The following KCNH8 variants were observed in gnomAD, a reference collection of about 807,000 sequenced individuals.
KCNH8 encodes potassium voltage-gated channel subfamily H member 8.
A neutral mutation model predicts 103.6 loss-of-function variants in KCNH8; 70 were observed. The observed-to-expected ratio is 0.68, with a 90% CI of 0.56 to 0.82. The LOEUF (loss-of-function observed/expected upper bound fraction) is 0.82. Among genes scored for constraint, KCNH8 ranks in the 40% least tolerant of loss-of-function variants. The probability of loss-of-function intolerance (pLI) is 0.00; values close to 1 mark genes in which losing one functional copy is unlikely to be tolerated. For missense variants in KCNH8, 1,217 were observed against 1,329.9 expected, an observed-to-expected ratio of 0.92 and a Z score of 1.32; for synonymous variants, 498 against 489.4, an observed-to-expected ratio of 1.02 and a Z score of -0.23.
chr3:19,258,584 G>A (rs2064376405), intron 2 of KCNH8, among the ~76,000 whole-genome samples: 1 of 151,928 alleles, frequency 6.6e-6, no homozygotes, highest in African/African-American at 2.4e-5. Flanking sequence ...AACTTAACAT[G>A]CAGAGTGCTT....
chr3:19,188,307 TA>T (rs1198243870), intron 1 of KCNH8, among the ~76,000 whole-genome samples: 4 of 152,106 alleles, frequency 2.6e-5, no homozygotes, highest in African/African-American at 7.2e-5. Context: ...AGAGCAGAGA[TA>T]TTGGCAATCT....
At chr3:19,292,004 C>T (rs1260952575) in intron 3 of KCNH8, among the ~76,000 whole-genome samples, 1 of 152,182 alleles carries the variant, frequency 6.6e-6, no homozygotes, top group African/African-American at 2.4e-5. Context: ...AGTTCCTTTC[C>T]TCTGCACTCA....
intron 5 of KCNH8, among the ~76,000 whole-genome samples, chr3:19,354,513 G>A (rs1034968420): frequency 2.6e-5 from 4 of 152,088 alleles, no homozygotes; most frequent in African/African-American, 4.8e-5. Flanking sequence ...AAACAGCATG[G>A]TACTGGTACC....
chr3:19,463,679 A>C (rs1215839460), intron 11 of KCNH8, among the ~76,000 whole-genome samples: 3 of 152,102 alleles, frequency 2.0e-5, no homozygotes, highest in African/African-American at 4.8e-5. Context: ...TTTGCAGAAA[A>C]ATATGTCACT....
intron 1 of KCNH8, among the ~76,000 whole-genome samples, chr3:19,236,833 T>G (rs537308172): frequency 1.3e-5 from 2 of 152,258 alleles, no homozygotes; most frequent in Admixed American, 6.5e-5. Context: ...ACTCTAGGTT[T>G]CAACATCCTA....
intron 11 of KCNH8, among the ~76,000 whole-genome samples, chr3:19,476,908 T>C (rs1665606210): frequency 2.0e-5 from 3 of 152,198 alleles, no homozygotes; most frequent in South Asian, 4.1e-4. Flanking sequence ...CATCCAAAGA[T>C]AACCATTCTT....
intron 5 of KCNH8, among the ~76,000 whole-genome samples, chr3:19,361,924 G>A (rs1338381512): frequency 1.3e-5 from 2 of 152,128 alleles, no homozygotes; most frequent in Admixed American, 1.3e-4. Context: ...GGGAGGGAAA[G>A]TAAGAAGTTG....
In KCNH8 at chr3:19,268,675, G is replaced by C. The variant is rs796669734; in HGVS notation, c.311-12523G>C. 1.1e-4 allele frequency among the ~76,000 whole-genome samples: 16 copies of C among 152,232 alleles called. 1 individual carries two copies. The highest frequency in any genetic ancestry group is 3.8e-4 in the African/African-American group (16 of 41,564). On this transcript the variant is annotated intron_variant, in intron 2 of 15. Transcript: ENST00000328405. Reference sequence around the variant, plus strand: ...GTCATTAAGGCAGGTCCTACTCAGAGTGTGATGTGAAGACCAGCAGCATCA... The same window carrying C: ...GTCATTAAGGCAGGTCCTACTCAGACTGTGATGTGAAGACCAGCAGCATCA...
chr3:19,171,238 T>A (rs1366101422), intron 1 of KCNH8, among the ~76,000 whole-genome samples: 1 of 152,172 alleles, frequency 6.6e-6, no homozygotes, highest in African/African-American at 2.4e-5. Flanking sequence ...TAATTTCTTT[T>A]CCGGAACAAT....
intron 5 of KCNH8, among the ~76,000 whole-genome samples, chr3:19,364,219 C>G (rs189000891): frequency 2.6e-5 from 4 of 152,052 alleles, no homozygotes; most frequent in Non-Finnish European, 4.4e-5. Context: ...TATACCCCCA[C>G]GTCTTCATGC....
At chr3:19,453,180 T>C (rs79746361) in intron 10 of KCNH8, among the ~76,000 whole-genome samples, 3,118 of 152,100 alleles carry the variant, frequency 0.02, 117 homozygotes, top group African/African-American at 0.069. Context: ...TGTGGAATAA[T>C]AGACACGGGA....
intron 7 of KCNH8, among the ~76,000 whole-genome samples, chr3:19,423,398 A>G (rs757953226): frequency 1.9e-4 from 29 of 152,074 alleles, no homozygotes; most frequent in Admixed American, 2.6e-4. Context: ...AGAAGTGTAC[A>G]GCATACCTAT....
At chr3:19,208,504 G>T (rs67754728) in intron 1 of KCNH8, among the ~76,000 whole-genome samples, 1 of 151,896 alleles carries the variant, frequency 6.6e-6, no homozygotes, top group East Asian at 1.9e-4. Flanking sequence ...AGTGGTGTGT[G>T]ATTCTCAATC....
intron 2 of KCNH8, among the ~76,000 whole-genome samples, chr3:19,270,279 C>A (rs947577313): frequency 1.3e-5 from 2 of 152,120 alleles, no homozygotes; most frequent in Non-Finnish European, 2.9e-5. Flanking sequence ...GTTTGCTGAC[C>A]TTTGAAGATG....
At chr3:19,472,299 A>G (rs1367031984) in intron 11 of KCNH8, among the ~76,000 whole-genome samples, 1 of 151,442 alleles carries the variant, frequency 6.6e-6, no homozygotes, top group African/African-American at 2.4e-5. Context: ...TTTATATACC[A>G]TCCAGTAAAG....
rs1426538798 is a variant in KCNH8 at position 19,534,411 on chromosome 3, C to G, written c.*312C>G. ...TCCTAGACAAAGAACTTGTGGATGA[C>G]TTTTGTCCCATGTGGCTTTTGTGAA... On this transcript the variant is annotated 3_prime_UTR_variant, in exon 16 of 16. Transcript: ENST00000328405. 2.9e-6 allele frequency: 1 copy of G among 340,252 alleles called. No homozygotes were observed. The highest frequency in any genetic ancestry group is 5.3e-6 in the Non-Finnish European group (1 of 188,136). 21.1% of individuals were successfully genotyped at this position (340,252 alleles called of 1,614,324 possible).
At position 19,319,660 on chromosome 3, in the gene KCNH8, G is replaced by C. The variant is rs901516019; in HGVS notation, c.443-22927G>C. ...TTTGGCTAGGCAGGCTCTTTACTTGGTTCCATATCAATTTCAGGATTGTTC... is the reference window on the plus strand; with the variant it reads ...TTTGGCTAGGCAGGCTCTTTACTTGCTTCCATATCAATTTCAGGATTGTTC... On this transcript the variant is annotated intron_variant, in intron 3 of 15. Coordinates refer to ENST00000328405, the MANE Select transcript of KCNH8 (RefSeq NM_144633.3). Among the ~76,000 whole-genome samples, 6 of 151,858 alleles carry C rather than the reference G, an allele frequency of 4.0e-5. No individual in the cohort carries two copies. In the East Asian group the frequency reaches 1.2e-3, roughly 29 times the overall value.
At chr3:19,393,344 T>C (rs767941402) in intron 6 of KCNH8, among the ~76,000 whole-genome samples, 2 of 152,056 alleles carry the variant, frequency 1.3e-5, no homozygotes, top group African/African-American at 2.4e-5. Flanking sequence ...TTTTATTGAC[T>C]TAAGAATGAA....
chr3:19,182,898 A>G (rs2063469189), intron 1 of KCNH8, among the ~76,000 whole-genome samples: 1 of 152,262 alleles, frequency 6.6e-6, no homozygotes, highest in East Asian at 1.9e-4. Flanking sequence ...TTTTTAAGCC[A>G]CAACAGTTTT....
Sources: allele counts gnomAD v4.1 joint callset (sites outside exome capture counted in the v4.1 genomes callset), GRCh38; gene constraint gnomAD v4.1.1; transcripts MANE v1.5; gene names NCBI Gene and HGNC (gene_info 2026-07-23, HGNC 2026-07-21).